Variants in RPH3AL observed in about 807,000 individuals in gnomAD.
RPH3AL encodes the protein rab effector Noc2.
RPH3AL carries 38 observed loss-of-function variants against 43.1 expected under a neutral mutation model. The ratio of observed to expected loss-of-function variants is 0.88; its 90% CI spans 0.68 to 1.15. RPH3AL has a LOEUF of 1.15. RPH3AL is among the 50% of genes most tolerant of loss of function. RPH3AL has a pLI of 0.00. For missense variants in RPH3AL, 462 were observed against 423.2 expected (o/e 1.09, Z -0.81); for synonymous variants, 189 against 176.3 (o/e 1.07, Z -0.57).
chr17:240,074 C>T (rs2041491637), intron 7 of RPH3AL, among the ~76,000 whole-genome samples: 1 of 152,030 alleles, frequency 6.6e-6, no homozygotes, highest in African/African-American at 2.4e-5. Context: ...CCCATCTCTA[C>T]TAAAAATACA....
chr17:293,056 C>T (rs368023014), intron 5 of RPH3AL, among the ~76,000 whole-genome samples: 11 of 152,300 alleles, frequency 7.2e-5, no homozygotes, highest in African/African-American at 9.6e-5. Flanking sequence ...CACTCAGGGC[C>T]GAGCCGCCTC....
intron 7 of RPH3AL, 112 bp from the exon 8 acceptor site, chr17:219,848 C>T: frequency 1.4e-6 from 1 of 738,302 alleles, no homozygotes; most frequent in Non-Finnish European, 2.4e-6. Context: ...GGCGTAGCAG[C>T]TCAGCTGGCC....
intron 6 of RPH3AL, chr17:262,048 A>C (rs2151572507): frequency 6.6e-6 from 1 of 152,350 alleles, no homozygotes; most frequent in Non-Finnish European, 1.5e-5. Context: ...TTACACAAGA[A>C]CATCATGGTC....
rs1199648672 is a variant in RPH3AL, at chr17:273,507, CAGCGAGGG to C, written c.438+8253_438+8260del. Reference sequence around the variant, plus strand: ...CGAGGGCGACGTCGGGGAGAGACCCCAGCGAGGGTGACGTCAGGGAGAGACCCCAGCGA... The same window carrying C: ...CGAGGGCGACGTCGGGGAGAGACCCCTGACGTCAGGGAGAGACCCCAGCGA... On this transcript the variant is annotated intron_variant, in intron 6 of 9. Coordinates refer to ENST00000331302, the MANE Select transcript of RPH3AL (RefSeq NM_006987.4). 8.8e-4 allele frequency among the ~76,000 whole-genome samples: 53 copies of C among 59,894 alleles called. 22 individuals carry two copies. The highest frequency in any genetic ancestry group is 3.0e-3 in the Admixed American group (19 of 6,252). 39.3% of individuals were successfully genotyped at this position (59,894 alleles called of 152,430 possible).
intron 4 of RPH3AL, 38 bp downstream of exon 4, chr17:321,234 G>T: frequency 6.3e-7 from 1 of 1,588,664 alleles, no homozygotes. Context: ...CAAAGCCCTT[G>T]CTGTCCTCCC....
Position 350,372 on chromosome 17 carries a change from G to A in RPH3AL, c.-213+2340C>T, listed in dbSNP as rs193151821. Among the ~76,000 whole-genome samples the A allele has an allele frequency of 2.5e-3, 387 of 152,224 alleles. 5 individuals carry two copies. Among genetic ancestry groups the A allele is most frequent in the Admixed American group, 0.018 (278 of 15,304 alleles). Reference sequence around the variant, plus strand: ...CGCACTTGTAATCCAAGCACTTTGGGAGGCCGAGGTGGGCAGATCATGAGG... The same window carrying A: ...CGCACTTGTAATCCAAGCACTTTGGAAGGCCGAGGTGGGCAGATCATGAGG... On this transcript the variant is annotated intron_variant, in intron 1 of 9. Transcript: ENST00000331302.
intron 5 of RPH3AL, among the ~76,000 whole-genome samples, chr17:296,997 G>A (rs770461193): frequency 3.3e-5 from 5 of 152,156 alleles, no homozygotes; most frequent in Non-Finnish European, 7.4e-5. Flanking sequence ...TTCCCCAGGG[G>A]GTGAGTGAGG....
At chr17:275,249 C>A (rs9915796) in intron 6 of RPH3AL, among the ~76,000 whole-genome samples, 354 of 86,384 alleles carry the variant, frequency 4.1e-3, no homozygotes, top group African/African-American at 8.1e-3. Flanking sequence ...AAACAAAAAA[C>A]AAAAAAAGGA....
intron 6 of RPH3AL, among the ~76,000 whole-genome samples, chr17:251,073 C>T (rs1024904792): frequency 2.0e-5 from 3 of 152,194 alleles, no homozygotes; most frequent in Non-Finnish European, 4.4e-5. Flanking sequence ...CTGGGCAGGG[C>T]ACCTCCTTAT....
intron 6 of RPH3AL, among the ~76,000 whole-genome samples, chr17:271,341 C>T (rs2042458667): frequency 6.6e-6 from 1 of 152,172 alleles, no homozygotes; most frequent in South Asian, 2.1e-4. Context: ...ATGGGGATGG[C>T]AATGAATCTA....
rs1256202394 is a variant in RPH3AL at position 283,238 on chromosome 17, G to A, written c.352-1384C>T. Among the ~76,000 whole-genome samples the A allele has an allele frequency of 2.6e-5, 4 of 152,166 alleles. No individual in the cohort carries two copies. Reference sequence around the variant, plus strand: ...AGGCTGCCAACTCAGCAAGGAGCACGTCTCTCCATGGAGAGGGAAAATGTC... The same window carrying A: ...AGGCTGCCAACTCAGCAAGGAGCACATCTCTCCATGGAGAGGGAAAATGTC... On this transcript the variant is annotated intron_variant, in intron 5 of 9. Coordinates refer to ENST00000331302, the MANE Select transcript of RPH3AL (RefSeq NM_006987.4). The surrounding 1 kb of genome is among the most constrained non-coding windows in gnomAD (Gnocchi z 4.2).
At chr17:343,503 C>T (rs1055492085) in intron 1 of RPH3AL, among the ~76,000 whole-genome samples, 2 of 152,150 alleles carry the variant, frequency 1.3e-5, no homozygotes, top group African/African-American at 4.8e-5. Context: ...CTCAGGGTCG[C>T]GTATCTGAGG....
chr17:279,259 T>C (rs1419496216), intron 6 of RPH3AL, among the ~76,000 whole-genome samples: 1 of 152,150 alleles, frequency 6.6e-6, no homozygotes, highest in Non-Finnish European at 1.5e-5. Context: ...ATCCAGCACA[T>C]GGTTCTGGTA....
chr17:267,915 G>A (rs2042360645), intron 6 of RPH3AL, among the ~76,000 whole-genome samples: 1 of 152,184 alleles, frequency 6.6e-6, no homozygotes, highest in African/African-American at 2.4e-5. Flanking sequence ...ATTTCATACA[G>A]ACATTTCAAA....
intron 5 of RPH3AL, among the ~76,000 whole-genome samples, chr17:302,664 A>T (rs1272654294): frequency 1.3e-5 from 2 of 152,050 alleles, no homozygotes; most frequent in African/African-American, 4.8e-5. Context: ...ACCCACACTC[A>T]CCCCAGGCCT....
chr17:337,905 T>G (rs1259266988), intron 1 of RPH3AL, among the ~76,000 whole-genome samples: 2 of 152,214 alleles, frequency 1.3e-5, no homozygotes, highest in African/African-American at 4.8e-5. Flanking sequence ...CCCGCTCCAG[T>G]GGACCCCAAA....
intron 5 of RPH3AL, among the ~76,000 whole-genome samples, chr17:284,370 G>A (rs1160327977): frequency 1.3e-5 from 2 of 152,180 alleles, no homozygotes; most frequent in Non-Finnish European, 2.9e-5. Flanking sequence ...ACCCTCCCCT[G>A]CCCTGGTGCC....
At chr17:280,820 G>A (rs1053182458) in intron 6 of RPH3AL, among the ~76,000 whole-genome samples, 1 of 152,164 alleles carries the variant, frequency 6.6e-6, no homozygotes, top group African/African-American at 2.4e-5. Context: ...TGTATCCAGC[G>A]GGATTTCCAG....
At chr17:350,672 C>T (rs1278173264) in intron 1 of RPH3AL, among the ~76,000 whole-genome samples, 1 of 152,252 alleles carries the variant, frequency 6.6e-6, no homozygotes, top group East Asian at 1.9e-4. Flanking sequence ...CAAAACAAAA[C>T]AAAACAAACC....
Sources: gnomAD v4.1 joint callset for allele counts (sites outside exome capture counted in the v4.1 genomes callset) on GRCh38, gnomAD v4.1.1 for gene constraint, Gnocchi (gnomAD v3.1) non-coding constraint, MANE v1.5 for transcripts, NCBI Gene and HGNC (gene_info 2026-07-23, HGNC 2026-07-21) for gene names.